The following LYZL4 variants were observed in gnomAD, a reference collection of about 807,000 sequenced individuals.
LYZL4 encodes lysozyme like 4.
Under a neutral mutation model 17.6 loss-of-function variants are expected in LYZL4, and 13 were observed. The observed-to-expected ratio is 0.74, with a 90% CI of 0.48 to 1.18. LYZL4 has a LOEUF of 1.18. LYZL4 is among the 50% of genes most tolerant of loss of function. The pLI is 0.00. For missense variants in LYZL4, 174 were observed against 188.2 expected (o/e 0.92, Z 0.44); for synonymous variants, 64 against 67.7 (o/e 0.95, Z 0.27).
chr3:42,374,622 C>G, the LYZL4 span, among the ~76,000 whole-genome samples: 2 of 152,150 alleles, frequency 1.3e-5, no homozygotes, highest in South Asian at 4.1e-4. Context: ...TGAAAAATTA[C>G]AGAATCAACA....
At chr3:42,372,236 G>T in the LYZL4 span, among the ~76,000 whole-genome samples, 2 of 152,170 alleles carry the variant, frequency 1.3e-5, no homozygotes, top group Admixed American at 6.5e-5. Context: ...AGAAAGATTC[G>T]AATTCAAATC....
intron 4 of LYZL4, among the ~76,000 whole-genome samples, chr3:42,402,111 T>A (rs986652595): frequency 6.7e-6 from 1 of 149,444 alleles, no homozygotes; most frequent in Admixed American, 6.7e-5. Context: ...AGAACTTCTG[T>A]TTATCAAGAC....
chr3:42,391,773 G>A, the LYZL4 span, among the ~76,000 whole-genome samples: 1 of 152,100 alleles, frequency 6.6e-6, no homozygotes. Context: ...ATCAGAGGCC[G>A]AGAGAGATTG....
the LYZL4 span, among the ~76,000 whole-genome samples, chr3:42,372,870 AG>A: frequency 1.1e-4 from 17 of 152,186 alleles, no homozygotes; most frequent in Admixed American, 2.0e-4. Context: ...AAAGCTCATC[AG>A]GAGAAACCAG....
At chr3:42,393,438 C>A (rs558163946), downstream of LYZL4, among the ~76,000 whole-genome samples, 1 of 152,188 alleles carries the variant, frequency 6.6e-6, no homozygotes, top group East Asian at 1.9e-4. Flanking sequence ...GGGAAGCAGG[C>A]GAAGGGCCCA....
At chr3:42,387,185 ATTG>A in the LYZL4 span, among the ~76,000 whole-genome samples, 5 of 152,116 alleles carry the variant, frequency 3.3e-5, no homozygotes, top group African/African-American at 1.2e-4. Context: ...GTGCATTGCT[ATTG>A]TTGTCTGTAT....
chr3:42,362,667 A>C, the LYZL4 span, among the ~76,000 whole-genome samples: 2 of 152,168 alleles, frequency 1.3e-5, no homozygotes, highest in Non-Finnish European at 2.9e-5. Flanking sequence ...CTCACGACCT[A>C]ATCATCTCCC....
At chr3:42,408,816 G>A (rs895187900) in intron 1 of LYZL4, among the ~76,000 whole-genome samples, 4 of 152,090 alleles carry the variant, frequency 2.6e-5, no homozygotes, top group African/African-American at 9.7e-5. Flanking sequence ...TTAGTTCTGG[G>A]AACATCCTGT....
rs866185945 is a variant in LYZL4 at position 42,404,125 on chromosome 3, C to T, written c.293-1G>A. 5 of 1,607,198 alleles carry T rather than the reference C, an allele frequency of 3.1e-6. No individual in the cohort carries two copies. Among genetic ancestry groups the T allele is most frequent in the Middle Eastern group, 1.7e-4 (1 of 6,050 alleles). On this transcript the variant is annotated splice_acceptor_variant, in intron 3 of 4. Transcript: ENST00000287748. LOFTEE classifies it high-confidence loss of function. ...TTCTCTAAATTAGGATTCAGTAAAG[C>T]TGTGGGGAAAAGAAAATGGAAGATA...
chr3:42,391,433 A>G, the LYZL4 span, among the ~76,000 whole-genome samples: 175 of 152,312 alleles, frequency 1.1e-3, no homozygotes, highest in African/African-American at 4.1e-3. Context: ...GTGACCAGAA[A>G]GAGGGGAGAC....
intron 2 of LYZL4, 33 bp from the exon 3 acceptor site, chr3:42,407,031 G>T: frequency 6.2e-7 from 1 of 1,614,006 alleles, no homozygotes; most frequent in Non-Finnish European, 8.5e-7. Context: ...TGACTCTGAG[G>T]ACAGCTGGAG....
the LYZL4 span, among the ~76,000 whole-genome samples, chr3:42,365,113 A>G: frequency 6.6e-6 from 1 of 152,322 alleles, no homozygotes; most frequent in African/African-American, 2.4e-5. Context: ...AATCAGATGC[A>G]ATGTCAGGTC....
At chr3:42,392,943 C>T (rs1698504527), downstream of LYZL4, among the ~76,000 whole-genome samples, 1 of 151,990 alleles carries the variant, frequency 6.6e-6, no homozygotes. Flanking sequence ...ACTCAAGGAA[C>T]CAAGATGCCA....
Position 42,409,963 on chromosome 3 carries a change from C to G in LYZL4, c.-93+454G>C, listed in dbSNP as rs192687932. On this transcript the variant is annotated intron_variant, in intron 1 of 4. Transcript: ENST00000287748. ...CTTGAATATGCCAATTTCATTCCCACCACAGGTCCTTTGCACCAGCCATTC... is the reference window on the plus strand; with the variant it reads ...CTTGAATATGCCAATTTCATTCCCAGCACAGGTCCTTTGCACCAGCCATTC... Among the ~76,000 whole-genome samples, 23 of 152,310 alleles carry G rather than the reference C, an allele frequency of 1.5e-4. No individual in the cohort carries two copies. The East Asian group carries it at 4.1e-3, about 27-fold the overall frequency.
chr3:42,375,281 T>C, the LYZL4 span, among the ~76,000 whole-genome samples: 16 of 152,206 alleles, frequency 1.1e-4, no homozygotes, highest in South Asian at 2.1e-4. Flanking sequence ...TTTTGTAGAA[T>C]AGTCGATCTA....
chr3:42,402,548 A>G (rs1698676211), intron 4 of LYZL4, among the ~76,000 whole-genome samples: 1 of 152,236 alleles, frequency 6.6e-6, no homozygotes, highest in Non-Finnish European at 1.5e-5. Context: ...TTGAAACCTC[A>G]TCAGGGAAAT....
downstream of LYZL4, among the ~76,000 whole-genome samples, chr3:42,394,471 G>T (rs1258369040): frequency 6.6e-6 from 1 of 152,132 alleles, no homozygotes; most frequent in African/African-American, 2.4e-5. Flanking sequence ...TGTAATATGG[G>T]TATATTTCAT....
chr3:42,409,691 A>G (rs1244416126), intron 1 of LYZL4, among the ~76,000 whole-genome samples: 1 of 151,384 alleles, frequency 6.6e-6, no homozygotes, highest in African/African-American at 2.4e-5. Flanking sequence ...TCTACTACAT[A>G]CTCCTCTCTG....
At chr3:42,374,317 G>GAAAA in the LYZL4 span, among the ~76,000 whole-genome samples, 18 of 152,318 alleles carry the variant, frequency 1.2e-4, no homozygotes, top group Non-Finnish European at 2.5e-4. Context: ...TCCAAAACCT[G>GAAAA]TACTTTAAAT....
Sources: gnomAD v4.1 joint callset for allele counts (sites outside exome capture counted in the v4.1 genomes callset) on GRCh38, gnomAD v4.1.1 for gene constraint, MANE v1.5 for transcripts, NCBI Gene and HGNC (gene_info 2026-07-23, HGNC 2026-07-21) for gene names.